The following SAMD12 variants were observed in gnomAD, a reference collection of about 807,000 sequenced individuals.
SAMD12 encodes sterile alpha motif domain-containing protein 12.
In SAMD12, 9 loss-of-function variants were observed where a neutral mutation model predicts 15.0. The observed-to-expected ratio is 0.60, with a 90% CI of 0.36 to 1.05. The LOEUF is 1.05. Ranked by LOEUF, SAMD12 falls within the 50% of genes least tolerant of loss-of-function variation. SAMD12 has a pLI of 0.01. For missense variants in SAMD12, 230 were observed against 234.2 expected (o/e 0.98, Z 0.12); for synonymous variants, 86 against 90.1 (o/e 0.96, Z 0.25).
intron 4 of SAMD12, among the ~76,000 whole-genome samples, chr8:118,278,168 A>AAATTTTTCCC (rs2130140969): frequency 6.6e-6 from 1 of 152,330 alleles, no homozygotes; most frequent in East Asian, 1.9e-4. Context: ...ACACTCTTTA[A>AAATTTTTCCC]ACCTGTGAGA....
chr8:118,427,983 G>T lies in SAMD12; in HGVS notation c.322+11849C>A, dbSNP rs554700657. On this transcript the variant is annotated intron_variant, in intron 3 of 3. Coordinates refer to ENST00000314727, the MANE Select transcript of SAMD12 (RefSeq NM_207506.3). ...TTTAAGCCATTCTACTGGGTGTAAA[G>T]TATTATTTCATTGTGATTTTTATTT... Among the ~76,000 whole-genome samples, 7 of 152,266 alleles carry T rather than the reference G, an allele frequency of 4.6e-5. No homozygotes were observed. The East Asian group carries it at 1.4e-3, about 29-fold the overall frequency.
intron 2 of SAMD12, among the ~76,000 whole-genome samples, chr8:118,515,048 T>C (rs1190041872): frequency 6.6e-6 from 1 of 152,144 alleles, no homozygotes; most frequent in East Asian, 1.9e-4. Context: ...AGACGGAGTC[T>C]CACTCTGTCG....
At chr8:118,390,413 TCCA>T (rs10594381) in intron 3 of SAMD12, among the ~76,000 whole-genome samples, 106,883 of 151,660 alleles carry the variant, frequency 0.7, 38,840 homozygotes, top group African/African-American at 0.85. Context: ...AGGAGTGGAC[TCCA>T]CCAAGTTCTG....
intron 4 of SAMD12, among the ~76,000 whole-genome samples, chr8:118,204,894 T>C (rs916802046): frequency 1.3e-5 from 2 of 152,236 alleles, no homozygotes; most frequent in Admixed American, 6.5e-5. Context: ...GTTAGTAAAC[T>C]GGAAAGCACA....
chr8:118,493,475 T>G (rs377513876), intron 2 of SAMD12, among the ~76,000 whole-genome samples: 1 of 152,286 alleles, frequency 6.6e-6, no homozygotes, highest in African/African-American at 2.4e-5. Flanking sequence ...CCTCTCCTTA[T>G]AGCTGTGATA....
At position 118,392,526 on chromosome 8, in the gene SAMD12, A is replaced by G. The variant is rs965649004; in HGVS notation, c.323-12826T>C. 3.9e-5 allele frequency among the ~76,000 whole-genome samples: 6 copies of G among 152,242 alleles called. 1 individual carries two copies. Among genetic ancestry groups the G allele is most frequent in the Admixed American group, 2.0e-4 (3 of 15,278 alleles). ...AAGGTAAGAGGTCACCCAAGACCCTATGGGGAGCTGTGTAGCTCACTCCAA... is the reference window on the plus strand; with the variant it reads ...AAGGTAAGAGGTCACCCAAGACCCTGTGGGGAGCTGTGTAGCTCACTCCAA... On this transcript the variant is annotated intron_variant, in intron 3 of 3. Coordinates refer to ENST00000314727, the MANE Select transcript of SAMD12 (RefSeq NM_207506.3).
At chr8:118,435,450 A>G (rs969853303) in intron 3 of SAMD12, among the ~76,000 whole-genome samples, 3 of 152,152 alleles carry the variant, frequency 2.0e-5, no homozygotes, top group Non-Finnish European at 4.4e-5. Context: ...GGGTCCTGCT[A>G]TGTTTCCCTT....
chr8:118,179,800 T>C, the SAMD12 span, among the ~76,000 whole-genome samples: 1 of 152,130 alleles, frequency 6.6e-6, no homozygotes, highest in Non-Finnish European at 1.5e-5. Context: ...GATTTTTGGA[T>C]CAAAACTGTG....
At chr8:118,529,640 T>C (rs1825630988) in intron 2 of SAMD12, among the ~76,000 whole-genome samples, 1 of 152,202 alleles carries the variant, frequency 6.6e-6, no homozygotes, top group South Asian at 2.1e-4. Flanking sequence ...AGTGAGAACA[T>C]GCAGTGTTTT....
intron 4 of SAMD12, among the ~76,000 whole-genome samples, chr8:118,248,189 T>C (rs1812739141): frequency 6.6e-6 from 1 of 152,138 alleles, no homozygotes; most frequent in Non-Finnish European, 1.5e-5. Context: ...GGAACTGTGC[T>C]TTGCTTACCC....
intron 2 of SAMD12, among the ~76,000 whole-genome samples, chr8:118,567,655 G>C (rs1826889478): frequency 6.6e-6 from 1 of 152,162 alleles, no homozygotes; most frequent in Non-Finnish European, 1.5e-5. Flanking sequence ...CTTGGTTTTT[G>C]GCAGGCCAAG....
chr8:118,498,301 A>T (rs536133345), intron 2 of SAMD12, among the ~76,000 whole-genome samples: 1 of 152,248 alleles, frequency 6.6e-6, no homozygotes, highest in Admixed American at 6.5e-5. Context: ...CAGGTCCATT[A>T]TTATGGTATA....
At chr8:118,328,765 T>C (rs1243965652) in intron 4 of SAMD12, among the ~76,000 whole-genome samples, 1 of 152,160 alleles carries the variant, frequency 6.6e-6, no homozygotes, top group African/African-American at 2.4e-5. Flanking sequence ...CTGTAGGTAT[T>C]ATGGTATGCA....
intron 2 of SAMD12, among the ~76,000 whole-genome samples, chr8:118,512,635 T>C (rs1393077070): frequency 1.3e-5 from 2 of 152,212 alleles, no homozygotes; most frequent in Non-Finnish European, 2.9e-5. Flanking sequence ...GTCCATTACT[T>C]AGTCCCACTC....
At chr8:118,540,331 T>C (rs1825955578) in intron 2 of SAMD12, among the ~76,000 whole-genome samples, 1 of 152,214 alleles carries the variant, frequency 6.6e-6, no homozygotes, top group African/African-American at 2.4e-5. Context: ...TTTTTAATTA[T>C]AATAAAGTGC....
intron 2 of SAMD12, among the ~76,000 whole-genome samples, chr8:118,552,039 C>T (rs1312462094): frequency 2.0e-5 from 3 of 151,818 alleles, no homozygotes; most frequent in Non-Finnish European, 1.5e-5. Flanking sequence ...TAATCAATAG[C>T]TTACCAACCA....
chr8:118,138,210 T>A, the SAMD12 span, among the ~76,000 whole-genome samples: 45 of 152,104 alleles, frequency 3.0e-4, no homozygotes, highest in Middle Eastern at 3.4e-3. Flanking sequence ...ACTGAGTGAG[T>A]GACTCGAAGC....
At chr8:118,471,681 G>A (rs1258799967) in intron 2 of SAMD12, among the ~76,000 whole-genome samples, 1 of 152,204 alleles carries the variant, frequency 6.6e-6, no homozygotes, top group Non-Finnish European at 1.5e-5. Flanking sequence ...TCTTTAGGAT[G>A]TTTGGGTGTA....
chr8:118,360,388 A>G (rs180893313), intron 4 of SAMD12, among the ~76,000 whole-genome samples: 1 of 152,312 alleles, frequency 6.6e-6, no homozygotes, highest in African/African-American at 2.4e-5. Context: ...TCTTATTATG[A>G]TACAGAAAGG....
Sources: gnomAD v4.1 joint callset for allele counts (sites outside exome capture counted in the v4.1 genomes callset) on GRCh38, gnomAD v4.1.1 for gene constraint, MANE v1.5 for transcripts, NCBI Gene and HGNC (gene_info 2026-07-23, HGNC 2026-07-21) for gene names.